ADGRB3: variants seen among roughly 807,000 people sequenced by gnomAD.
The protein encoded by ADGRB3 is brain-specific angiogenesis inhibitor 3.
A neutral mutation model predicts 193.4 loss-of-function variants in ADGRB3; 37 were observed. The ratio of observed to expected loss-of-function variants is 0.19; its 90% CI spans 0.15 to 0.25. ADGRB3 has a LOEUF of 0.25. Among genes scored for constraint, ADGRB3 ranks in the 10% least tolerant of loss-of-function variants. The pLI is 1.00. For missense variants in ADGRB3, 1,637 were observed against 1,852.9 expected (o/e 0.88, Z 2.14); for synonymous variants, 690 against 644.2 (o/e 1.07, Z -1.08).
chr6:68,673,213 A>G (rs753233066), intron 3 of ADGRB3, among the ~76,000 whole-genome samples: 6 of 152,120 alleles, frequency 3.9e-5, no homozygotes, highest in Non-Finnish European at 4.4e-5. Context: ...TCCTTGGTAG[A>G]TAAGTTCCCT....
chr6:68,890,296 A>G (rs1766036808), intron 3 of ADGRB3, among the ~76,000 whole-genome samples: 3 of 152,306 alleles, frequency 2.0e-5, no homozygotes, highest in African/African-American at 7.2e-5. Context: ...ATGATGTTCA[A>G]TTTAAATCCT....
intron 13 of ADGRB3, among the ~76,000 whole-genome samples, chr6:69,041,914 A>G (rs1282175139): frequency 6.6e-6 from 1 of 152,154 alleles, no homozygotes; most frequent in East Asian, 1.9e-4. Context: ...ATGTTAACTA[A>G]GTGATATAAT....
intron 3 of ADGRB3, among the ~76,000 whole-genome samples, chr6:68,883,671 C>G (rs189207663): frequency 6.6e-6 from 1 of 152,170 alleles, no homozygotes; most frequent in Non-Finnish European, 1.5e-5. Flanking sequence ...TGCACCTTCA[C>G]TCCTGAAGCC....
rs771998267 is a variant in ADGRB3, at chr6:68,639,362, C to T, written c.687C>T (p.Cys229=). Residue 229 remains cysteine, a synonymous_variant, in exon 3 of 32, where the codon TGC becomes TGT. Coordinates refer to ENST00000370598, the MANE Select transcript of ADGRB3 (RefSeq NM_001704.3). ...VLPLNEQTEG[C]LTQELQTTQV... ...CCCTGAATGAGCAGACAGAGGGCTG[C>T]CTGACCCAGGAGCTGCAAACCACCC... is the stretch of plus-strand genomic sequence containing the variant. The T allele has an allele frequency of 5.6e-6, 9 of 1,613,778 alleles. No individual in the cohort carries two copies. The Admixed American group carries it at 1.0e-4, about 18-fold the overall frequency.
rs545771701 is a variant in ADGRB3 at position 69,358,956 on chromosome 6, C to A, written c.3596-1913C>A. The stretch of plus-strand genomic sequence containing the variant: ...ATATATTTTTTTTCAGCAAACACAA[C>A]TATATCACTTGATTGAAATGTGTTG... On this transcript the variant is annotated intron_variant, in intron 28 of 31. Transcript: ENST00000370598. Among the ~76,000 whole-genome samples, 176 of 151,550 alleles carry A rather than the reference C, an allele frequency of 1.2e-3. 3 individuals are homozygous for A. The highest frequency in any genetic ancestry group is 3.9e-3 in the African/African-American group (162 of 41,408).
chr6:68,737,540 C>T (rs1765895405), intron 3 of ADGRB3, among the ~76,000 whole-genome samples: 1 of 152,034 alleles, frequency 6.6e-6, no homozygotes, highest in Admixed American at 6.6e-5. Context: ...GCCACTTGTT[C>T]CCCCATACAA....
At chr6:68,952,786 T>C (rs1183631775) in intron 6 of ADGRB3, among the ~76,000 whole-genome samples, 7 of 152,190 alleles carry the variant, frequency 4.6e-5, no homozygotes, top group African/African-American at 1.2e-4. Context: ...TGTTACTGAC[T>C]TTGTGAACAA....
In ADGRB3 at chr6:69,216,466, A is replaced by G. The variant is rs1048129861; in HGVS notation, c.2481-16824A>G. On this transcript the variant is annotated intron_variant, in intron 17 of 31. Transcript: ENST00000370598. Reference sequence around the variant, plus strand: ...AGGGTACTCCTGTTGCCATCGGCCCAGGAGAAAGGAAGCACAAATGTAAAT... The same window carrying G: ...AGGGTACTCCTGTTGCCATCGGCCCGGGAGAAAGGAAGCACAAATGTAAAT... Among the ~76,000 whole-genome samples the G allele has an allele frequency of 3.3e-5, 5 of 152,332 alleles. No individual in the cohort carries two copies. The South Asian group carries it at 6.2e-4, about 19-fold the overall frequency.
chr6:68,888,054 A>C (rs572048303), intron 3 of ADGRB3, among the ~76,000 whole-genome samples: 1 of 152,160 alleles, frequency 6.6e-6, no homozygotes, highest in Non-Finnish European at 1.5e-5. Flanking sequence ...TAGTTACTTA[A>C]AGAGTATAAA....
intron 3 of ADGRB3, among the ~76,000 whole-genome samples, chr6:68,766,681 A>G (rs1766512877): frequency 6.6e-6 from 1 of 152,054 alleles, no homozygotes; most frequent in Non-Finnish European, 1.5e-5. Flanking sequence ...AATGATTCCA[A>G]TTAGTTGTAA....
At chr6:68,948,622 AT>A (rs1295099934) in intron 6 of ADGRB3, among the ~76,000 whole-genome samples, 1 of 152,036 alleles carries the variant, frequency 6.6e-6, no homozygotes, top group Non-Finnish European at 1.5e-5. Flanking sequence ...TTATAGTAAT[AT>A]TTTCCCCTAG....
chr6:69,358,935 A>AT (rs138093875), intron 28 of ADGRB3, among the ~76,000 whole-genome samples: 14 of 140,456 alleles, frequency 1.0e-4, no homozygotes, highest in Admixed American at 3.2e-4. Flanking sequence ...ATATATATAT[A>AT]TTTTTTTTCA....
At chr6:69,245,000 C>A (rs1193167399) in intron 20 of ADGRB3, among the ~76,000 whole-genome samples, 1 of 151,980 alleles carries the variant, frequency 6.6e-6, no homozygotes, top group East Asian at 1.9e-4. Context: ...CTAAATTCAC[C>A]ATTTCTGTCT....
At chr6:68,751,653 TA>T (rs1656908279) in intron 3 of ADGRB3, among the ~76,000 whole-genome samples, 1 of 151,974 alleles carries the variant, frequency 6.6e-6, no homozygotes, top group Non-Finnish European at 1.5e-5. Context: ...TGTAGAGAAA[TA>T]AGAAAAGCTG....
chr6:68,892,520 C>T (rs1025340730), intron 3 of ADGRB3, among the ~76,000 whole-genome samples: 1 of 152,100 alleles, frequency 6.6e-6, no homozygotes, highest in African/African-American at 2.4e-5. Flanking sequence ...CAATTTATTT[C>T]CTTTATGGTA....
chr6:68,690,792 T>A (rs573154113), intron 3 of ADGRB3, among the ~76,000 whole-genome samples: 25 of 152,262 alleles, frequency 1.6e-4, no homozygotes, highest in Admixed American at 1.1e-3. Context: ...TATATGACCA[T>A]CACCCCAAAT....
chr6:68,831,303 TAAA>T (rs60991980), intron 3 of ADGRB3, among the ~76,000 whole-genome samples: 4,957 of 123,652 alleles, frequency 0.04, 302 homozygotes, highest in African/African-American at 0.14. Context: ...TGGAGAAGAT[TAAA>T]AAAAAAAAAA....
chr6:69,066,706 G>A (rs1771920860), intron 16 of ADGRB3, among the ~76,000 whole-genome samples: 1 of 151,980 alleles, frequency 6.6e-6, no homozygotes, highest in South Asian at 2.1e-4. Flanking sequence ...GGTCTTTAGT[G>A]CTTAAGCATA....
chr6:68,666,909 A>G (rs1396652517), intron 3 of ADGRB3, among the ~76,000 whole-genome samples: 1 of 151,718 alleles, frequency 6.6e-6, no homozygotes, highest in East Asian at 1.9e-4. Context: ...TCTGAAAAAA[A>G]GTATCATATC....
Sources: gnomAD v4.1 joint callset for allele counts (sites outside exome capture counted in the v4.1 genomes callset) on GRCh38, gnomAD v4.1.1 for gene constraint, MANE v1.5 for transcripts, NCBI Gene and HGNC (gene_info 2026-07-23, HGNC 2026-07-21) for gene names.